Variants in CCSER1 observed in about 807,000 individuals in gnomAD.
CCSER1 encodes serine-rich coiled-coil domain-containing protein 1.
In CCSER1, 41 loss-of-function variants were observed where a neutral mutation model predicts 82.0. The observed-to-expected ratio is 0.50, with a 90% CI of 0.39 to 0.65. The LOEUF (loss-of-function observed/expected upper bound fraction) is 0.65. CCSER1 is among the 30% of genes least tolerant of loss of function. CCSER1 has a pLI of 0.00. For synonymous variants in CCSER1, 414 were observed against 383.9 expected, an observed-to-expected ratio of 1.08 and a Z score of -0.92; for missense variants, 1,119 against 1,064.2, an observed-to-expected ratio of 1.05 and a Z score of -0.72.
At chr4:90,812,117 C>T (rs897548048) in intron 7 of CCSER1, among the ~76,000 whole-genome samples, 1 of 151,782 alleles carries the variant, frequency 6.6e-6, no homozygotes, top group Non-Finnish European at 1.5e-5. Flanking sequence ...ACTTGGAGTC[C>T]AATGTTCAAG....
intron 10 of CCSER1, among the ~76,000 whole-genome samples, chr4:91,167,185 CTTTTT>C (rs55920118): frequency 8.2e-6 from 1 of 121,524 alleles, no homozygotes. Context: ...AATTGCAATA[CTTTTT>C]TTTTTTTTTT....
chr4:90,787,280 G>A (rs538499976), intron 7 of CCSER1, among the ~76,000 whole-genome samples: 1 of 152,256 alleles, frequency 6.6e-6, no homozygotes, highest in South Asian at 2.1e-4. Context: ...AAAGGAGAGA[G>A]ATTCTGTTTC....
intron 4 of CCSER1, among the ~76,000 whole-genome samples, chr4:90,401,816 A>G (rs1181918736): frequency 6.6e-6 from 1 of 152,228 alleles, no homozygotes; most frequent in African/African-American, 2.4e-5. Context: ...AGTTTGAGTC[A>G]CCATGGCCAC....
chr4:90,578,940 C>A (rs1289273927), intron 5 of CCSER1, among the ~76,000 whole-genome samples: 2 of 136,486 alleles, frequency 1.5e-5, no homozygotes, highest in East Asian at 4.4e-4. Context: ...AGCATTGGTA[C>A]TAATGATACA....
At chr4:90,142,340 G>T (rs954822514) in intron 1 of CCSER1, among the ~76,000 whole-genome samples, 1 of 152,132 alleles carries the variant, frequency 6.6e-6, no homozygotes, top group Non-Finnish European at 1.5e-5. Flanking sequence ...ACCCTCCTGG[G>T]GAGTTTCTTT....
intron 1 of CCSER1, among the ~76,000 whole-genome samples, chr4:90,180,123 T>C (rs1363011990): frequency 1.5e-5 from 1 of 68,956 alleles, no homozygotes; most frequent in Non-Finnish European, 2.4e-5. Context: ...TATGTAGTTA[T>C]ATATATATAT....
At chr4:91,596,697 T>C (rs1390440062) in intron 10 of CCSER1, among the ~76,000 whole-genome samples, 1 of 152,100 alleles carries the variant, frequency 6.6e-6, no homozygotes. Flanking sequence ...CTGAGGCATC[T>C]CTTGTGAGTC....
intron 10 of CCSER1, among the ~76,000 whole-genome samples, chr4:91,447,681 T>C (rs1159261372): frequency 6.6e-6 from 1 of 152,180 alleles, no homozygotes; most frequent in Non-Finnish European, 1.5e-5. Context: ...TCTAATAGTA[T>C]ATACTTTATG....
At chr4:91,149,699 C>A (rs1729945123) in intron 10 of CCSER1, among the ~76,000 whole-genome samples, 2 of 152,166 alleles carry the variant, frequency 1.3e-5, no homozygotes, top group Admixed American at 6.5e-5. Flanking sequence ...CTGCATATGA[C>A]TAGCCAGTTT....
chr4:91,553,213 A>G (rs990671371), intron 10 of CCSER1, among the ~76,000 whole-genome samples: 1 of 151,498 alleles, frequency 6.6e-6, no homozygotes, highest in Non-Finnish European at 1.5e-5. Context: ...TGACTTGCAG[A>G]TGTTGAACAT....
intron 5 of CCSER1, among the ~76,000 whole-genome samples, chr4:90,569,173 A>G (rs1435004049): frequency 6.6e-6 from 1 of 152,142 alleles, no homozygotes; most frequent in Non-Finnish European, 1.5e-5. Context: ...ACAAAAACAT[A>G]TAACTGGTTA....
At chr4:90,315,339 C>T (rs1735995467) in intron 3 of CCSER1, among the ~76,000 whole-genome samples, 1 of 152,122 alleles carries the variant, frequency 6.6e-6, no homozygotes, top group Non-Finnish European at 1.5e-5. Flanking sequence ...AAATATTGTA[C>T]ATGTTCATTG....
intron 7 of CCSER1, among the ~76,000 whole-genome samples, chr4:90,747,634 TTC>T (rs1198902687): frequency 4.6e-5 from 7 of 152,120 alleles, no homozygotes; most frequent in African/African-American, 1.7e-4. Context: ...TTATCTAATT[TTC>T]TTTTTTTTTT....
At chr4:91,589,914 A>ACT (rs1253157687) in intron 10 of CCSER1, among the ~76,000 whole-genome samples, 3 of 151,452 alleles carry the variant, frequency 2.0e-5, no homozygotes, top group Non-Finnish European at 4.4e-5. Flanking sequence ...ACACACACAC[A>ACT]CTCTCTCACA....
intron 7 of CCSER1, among the ~76,000 whole-genome samples, chr4:90,754,208 T>C (rs529612779): frequency 6.6e-6 from 1 of 152,304 alleles, no homozygotes; most frequent in South Asian, 2.1e-4. Context: ...CAGGGACTTA[T>C]TCATCAATGT....
intron 6 of CCSER1, among the ~76,000 whole-genome samples, chr4:90,639,903 T>C (rs905556674): frequency 6.6e-6 from 1 of 152,138 alleles, no homozygotes; most frequent in African/African-American, 2.4e-5. Context: ...ATAGATTCTA[T>C]TTAAAGTTAT....
intron 10 of CCSER1, among the ~76,000 whole-genome samples, chr4:91,222,369 C>T (rs62311970): frequency 0.058 from 8,795 of 151,966 alleles, 499 homozygotes; most frequent in African/African-American, 0.15. Context: ...TTACTTAGCT[C>T]AATTTATTTT....
At chr4:90,687,879 A>G (rs1347202776) in intron 6 of CCSER1, among the ~76,000 whole-genome samples, 3 of 152,158 alleles carry the variant, frequency 2.0e-5, no homozygotes, top group African/African-American at 2.4e-5. Context: ...TTTCTGGAAA[A>G]CAAGAGACAA....
At chr4:90,919,139 A>G (rs1395803331) in intron 8 of CCSER1, among the ~76,000 whole-genome samples, 2 of 151,370 alleles carry the variant, frequency 1.3e-5, no homozygotes, top group African/African-American at 2.4e-5. Flanking sequence ...CTGCAAGAAA[A>G]TATAGACAAG....
Sources: gnomAD v4.1 joint callset for allele counts (sites outside exome capture counted in the v4.1 genomes callset) on GRCh38, gnomAD v4.1.1 for gene constraint, MANE v1.5 for transcripts, NCBI Gene and HGNC (gene_info 2026-07-23, HGNC 2026-07-21) for gene names.